The following FBN1 variants were observed in gnomAD, a reference collection of about 807,000 sequenced individuals.
FBN1 encodes the protein fibrillin-1.
In FBN1, 29 loss-of-function variants were observed where a neutral mutation model predicts 365.1. The ratio of observed to expected loss-of-function variants is 0.08; its 90% CI spans 0.06 to 0.11. The LOEUF is 0.11. FBN1 is among the 10% of genes least tolerant of loss of function. FBN1 has a pLI of 1.00. For missense variants in FBN1, 2,476 were observed against 3,703.2 expected (o/e 0.67, Z 8.60); for synonymous variants, 1,210 against 1,270.5 (o/e 0.95, Z 1.01).
rs576832789 is a variant in FBN1, at chr15:48,495,341, T to G, written c.2540-81A>C. ...CTTGGAATTATAGACAAAAATAGCA[T>G]TTGAAACAAGGAATAATGAAGTTTT... On this transcript the variant is annotated intron_variant, in intron 21 of 65. Transcript: ENST00000316623. The G allele has an allele frequency of 5.0e-5, 80 of 1,596,914 alleles. 1 individual carries two copies. In the Admixed American group the frequency reaches 1.1e-3, roughly 21 times the overall value.
At chr15:48,555,263 G>A (rs1350846909) in intron 6 of FBN1, among the ~76,000 whole-genome samples, 2 of 152,088 alleles carry the variant, frequency 1.3e-5, no homozygotes, top group Non-Finnish European at 2.9e-5. Flanking sequence ...CATTATCGAG[G>A]ACTGTGCACA....
chr15:48,446,875 T>A, intron 46 of FBN1, 53 bp from the exon 47 acceptor site: 1 of 1,243,418 alleles, frequency 8.0e-7, no homozygotes, highest in Non-Finnish European at 1.2e-6. Context: ...AAAAAGTGGT[T>A]ACACGGTTAC....
At chr15:48,467,910 A>G in intron 38 of FBN1, 28 bp downstream of exon 38, 1 of 1,598,186 alleles carries the variant, frequency 6.3e-7, no homozygotes, top group East Asian at 2.2e-5. Flanking sequence ...GAGTTGAAAT[A>G]ATAATAAATA....
chr15:48,633,467 G>A (rs1351153970), intron 2 of FBN1, among the ~76,000 whole-genome samples: 2 of 152,096 alleles, frequency 1.3e-5, no homozygotes, highest in African/African-American at 4.8e-5. Flanking sequence ...GTGGTGGAGG[G>A]TTGCGGGGAG....
At chr15:48,416,445 C>T (rs1194387190) in intron 63 of FBN1, among the ~76,000 whole-genome samples, 1 of 152,178 alleles carries the variant, frequency 6.6e-6, no homozygotes, top group East Asian at 1.9e-4. Flanking sequence ...ACCGAATCGG[C>T]CCCCTCCTTA....
intron 43 of FBN1, among the ~76,000 whole-genome samples, chr15:48,458,809 C>T (rs2043260796): frequency 6.6e-6 from 1 of 152,212 alleles, no homozygotes; most frequent in African/African-American, 2.4e-5. Context: ...CACATGCCAA[C>T]AATCATAAGA....
rs377722423 is a variant in FBN1 at position 48,644,646 on chromosome 15, C to G, written c.124G>C (p.Ala42Pro). ...GNVKETRASRAKRRGGGGHDA... is the reference protein window; with the variant it reads ...GNVKETRASRPKRRGGGGHDA... Reference sequence around the variant, plus strand: ...TGTCCTCCACCGCCTCTTCTCTTGGCCCGACTGGCTCTGGTTTCCTTCACG... The same window carrying G: ...TGTCCTCCACCGCCTCTTCTCTTGGGCCGACTGGCTCTGGTTTCCTTCACG... Residue 42 changes from alanine to proline, a missense_variant, in exon 2 of 66, where the codon GCC (alanine) becomes CCC (proline). Physicochemically the swap from Ala to Pro is conservative, Grantham distance 27 (BLOSUM62 -1). Around this residue, in one of 5 missense-constraint regions of FBN1, gnomAD observed 76 missense variants for 85.4 expected, o/e 0.89. Coordinates refer to ENST00000316623, the MANE Select transcript of FBN1 (RefSeq NM_000138.5). The G allele has an allele frequency of 4.5e-5, 72 of 1,613,770 alleles. No individual in the cohort carries two copies. The highest frequency in any genetic ancestry group is 6.7e-5 in the Admixed American group (4 of 59,996).
In FBN1 at chr15:48,486,963, CA is replaced by C. The variant is rs2043511993; in HGVS notation, c.3589+111del. The C allele has an allele frequency of 9.6e-6, 8 of 836,666 alleles. 1 individual carries two copies. The South Asian group carries it at 2.7e-4, about 28-fold the overall frequency. The allele number at this position is 836,666 out of a possible 1,614,324, so 51.8% of individuals were successfully genotyped here. A position where few individuals can be genotyped will look rare whatever the true frequency, so the allele number is the denominator to read the frequency against. ...AGCGATGAAAACAAAACTCAGAGTA[CA>C]TAGAGTGTTTTAGGGAGAGATGAAA... is the stretch of plus-strand genomic sequence containing the variant. On this transcript the variant is annotated intron_variant, in intron 29 of 65. Transcript: ENST00000316623.
At chr15:48,616,285 T>C (rs1371787962) in intron 2 of FBN1, among the ~76,000 whole-genome samples, 1 of 152,234 alleles carries the variant, frequency 6.6e-6, no homozygotes, top group Admixed American at 6.5e-5. Flanking sequence ...TACCTTCAAA[T>C]GACAATGATT....
intron 36 of FBN1, among the ~76,000 whole-genome samples, chr15:48,470,023 G>C (rs9989269): frequency 0.063 from 9,651 of 152,090 alleles, 628 homozygotes; most frequent in African/African-American, 0.17. Context: ...TGAACAGAGG[G>C]GTGAATTAGG....
intron 40 of FBN1, 61 bp downstream of exon 40, chr15:48,465,507 T>C: frequency 1.3e-6 from 2 of 1,591,970 alleles, no homozygotes; most frequent in Admixed American, 1.7e-5. Context: ...AACCATATTC[T>C]GGTTTTGCAG....
Position 48,463,572 on chromosome 15 carries a change from C to T in FBN1, c.5065+327G>A, listed in dbSNP as rs574339226. 8.5e-5 allele frequency among the ~76,000 whole-genome samples: 13 copies of T among 152,248 alleles called. 1 individual carries two copies. Among genetic ancestry groups the T allele is most frequent in the African/African-American group, 2.9e-4 (12 of 41,540 alleles). On this transcript the variant is annotated intron_variant, in intron 41 of 65. Transcript: ENST00000316623. ...CATTTGGCAATAAGTTTCTCGTTTC[C>T]GACTCGTGATGTTTTAATACTGTAG...
At chr15:48,605,521 G>C (rs114878237) in intron 4 of FBN1, among the ~76,000 whole-genome samples, 3 of 152,288 alleles carry the variant, frequency 2.0e-5, no homozygotes, top group Non-Finnish European at 2.9e-5. Context: ...CTAGTATTTA[G>C]AGTATACAAA....
intron 4 of FBN1, among the ~76,000 whole-genome samples, chr15:48,606,072 A>G (rs2044605858): frequency 6.6e-6 from 1 of 152,228 alleles, no homozygotes; most frequent in South Asian, 2.1e-4. Flanking sequence ...TAAAGACAAC[A>G]CCAAAAGCTG....
chr15:48,411,415 T>C (rs540592074), intron 65 of FBN1, 36 bp from the exon 66 acceptor site: 19 of 1,592,022 alleles, frequency 1.2e-5, no homozygotes, highest in Admixed American at 3.3e-5. Context: ...AAATACAATG[T>C]ACATATGCCA....
chr15:48,618,250 T>A (rs1889695606), intron 2 of FBN1, among the ~76,000 whole-genome samples: 1 of 152,200 alleles, frequency 6.6e-6, no homozygotes, highest in African/African-American at 2.4e-5. Context: ...ATAAAAAATG[T>A]GATAGATCAT....
chr15:48,570,784 C>T (rs1192232354), intron 6 of FBN1, among the ~76,000 whole-genome samples: 2 of 152,168 alleles, frequency 1.3e-5, no homozygotes, highest in Non-Finnish European at 2.9e-5. Context: ...TTTCAGTCAG[C>T]TAAGGAGAGA....
rs535133840 is a variant in FBN1 at position 48,626,017 on chromosome 15, A to T, written c.165-12925T>A. ...AGAGTAGTGAGTATTTAATTTATTT[A>T]AAAAGGTGGATATGTTTATAAGAAA... is the stretch of plus-strand genomic sequence containing the variant. On this transcript the variant is annotated intron_variant, in intron 2 of 65. Coordinates refer to ENST00000316623, the MANE Select transcript of FBN1 (RefSeq NM_000138.5). 4.3e-4 allele frequency among the ~76,000 whole-genome samples: 65 copies of T among 152,338 alleles called. 2 individuals carry two copies. In the South Asian group the frequency reaches 0.012, roughly 27 times the overall value.
intron 2 of FBN1, among the ~76,000 whole-genome samples, chr15:48,628,453 C>T (rs1372732750): frequency 2.0e-5 from 3 of 152,080 alleles, no homozygotes; most frequent in Non-Finnish European, 4.4e-5. Context: ...GCCTGAAATC[C>T]CTTACTTTAA....
Sources: gnomAD v4.1 joint callset for allele counts (sites outside exome capture counted in the v4.1 genomes callset) on GRCh38, gnomAD v4.1.1 for gene constraint, gnomAD v4.1.1 regional missense constraint, MANE v1.5 for transcripts, NCBI Gene and HGNC (gene_info 2026-07-23, HGNC 2026-07-21) for gene names.